The following HEG1 variants were observed in gnomAD, a reference collection of about 807,000 sequenced individuals.
HEG1 encodes the protein heart development protein with EGF like domains 1.
A neutral mutation model predicts 125.6 loss-of-function variants in HEG1; 56 were observed. The ratio of observed to expected loss-of-function variants is 0.45; its 90% CI spans 0.36 to 0.56. The LOEUF (loss-of-function observed/expected upper bound fraction) is 0.56. Among genes scored for constraint, HEG1 ranks in the 20% least tolerant of loss-of-function variants. The probability of loss-of-function intolerance (pLI) is 0.00; values close to 1 mark genes in which losing one functional copy is unlikely to be tolerated. For missense variants in HEG1, 1,523 were observed against 1,670.0 expected, an observed-to-expected ratio of 0.91 and a Z score of 1.53; for synonymous variants, 644 against 668.5, an observed-to-expected ratio of 0.96 and a Z score of 0.57.
chr3:124,975,313 C>T (rs1485875794), intron 15 of HEG1, among the ~76,000 whole-genome samples: 1 of 152,088 alleles, frequency 6.6e-6, no homozygotes, highest in Non-Finnish European at 1.5e-5. Flanking sequence ...TAATTCCTGC[C>T]ATTATTATCA....
chr3:124,978,447 G>A (rs755174509), intron 14 of HEG1, among the ~76,000 whole-genome samples: 5 of 152,070 alleles, frequency 3.3e-5, no homozygotes, highest in Non-Finnish European at 7.4e-5. Context: ...GCGCCCGGCC[G>A]AAAAGCTCCC....
At chr3:124,978,226 C>G (rs1430807311) in intron 14 of HEG1, among the ~76,000 whole-genome samples, 1 of 152,218 alleles carries the variant, frequency 6.6e-6, no homozygotes, top group African/African-American at 2.4e-5. Flanking sequence ...CAGCTCACTG[C>G]AACCTCCGCC....
chr3:125,008,736 G>A (rs1170380731), intron 8 of HEG1, among the ~76,000 whole-genome samples: 5 of 152,172 alleles, frequency 3.3e-5, no homozygotes, highest in African/African-American at 2.4e-5. Flanking sequence ...GGTGGAGGTC[G>A]CAGAGAGCTG....
intron 15 of HEG1, among the ~76,000 whole-genome samples, chr3:124,975,147 T>TATACC (rs1936511796): frequency 6.6e-6 from 1 of 152,230 alleles, no homozygotes; most frequent in South Asian, 2.1e-4. Flanking sequence ...AGGCAAAGGC[T>TATACC]ATACCATAAG....
rs80028197 is a variant in HEG1 at position 125,036,391 on chromosome 3, C to T, written c.317-6903G>A. On this transcript the variant is annotated intron_variant, in intron 1 of 16. Transcript: ENST00000311127. ...ATATGGAAAAAATTACTAAGATAAT[C>T]AGTTAAAAAAGGGTTGAGAATGGTT... is the stretch of plus-strand genomic sequence containing the variant. Among the ~76,000 whole-genome samples, 398 of 151,554 alleles carry T rather than the reference C, an allele frequency of 2.6e-3. 6 individuals carry two copies. In the South Asian group the frequency reaches 0.028, roughly 11 times the overall value.
intron 14 of HEG1, 41 bp downstream of exon 14, chr3:124,990,746 G>A: frequency 6.5e-7 from 1 of 1,548,844 alleles, no homozygotes; most frequent in Non-Finnish European, 8.7e-7. Flanking sequence ...AACAGGGCCA[G>A]GCCCCTGCCC....
rs578236872 is a variant in HEG1, at chr3:125,042,624, G to A, written c.316+12951C>T. Among the ~76,000 whole-genome samples, 5 of 152,252 alleles carry A rather than the reference G, an allele frequency of 3.3e-5. 1 individual carries two copies. The East Asian group carries it at 9.7e-4, about 29-fold the overall frequency. ...CCCCAGGGGTAGACACTGAGACTGT[G>A]CCTGGGAGTTTGGAAGGGGCAAGGT... On this transcript the variant is annotated intron_variant, in intron 1 of 16. Transcript: ENST00000311127.
chr3:125,022,951 T>C (rs940640047), intron 3 of HEG1, among the ~76,000 whole-genome samples: 71 of 152,316 alleles, frequency 4.7e-4, no homozygotes, highest in African/African-American at 1.7e-3. Flanking sequence ...CCCAGCACTT[T>C]GGGAGGTTGA....
chr3:125,032,867 GC>G (rs1937513656), intron 1 of HEG1, among the ~76,000 whole-genome samples: 1 of 152,130 alleles, frequency 6.6e-6, no homozygotes, highest in Non-Finnish European at 1.5e-5. Context: ...GTGTGGCGGG[GC>G]CTTTGAGGAA....
intron 6 of HEG1, among the ~76,000 whole-genome samples, chr3:125,011,186 C>T (rs767831748): frequency 1.7e-4 from 25 of 151,432 alleles, no homozygotes; most frequent in Non-Finnish European, 3.2e-4. Context: ...ACTGCATTGT[C>T]TGCAAAAAGG....
At chr3:124,987,652 C>G (rs1683272671) in intron 14 of HEG1, among the ~76,000 whole-genome samples, 1 of 150,204 alleles carries the variant, frequency 6.7e-6, no homozygotes, top group Non-Finnish European at 1.5e-5. Flanking sequence ...TCCTGAGTAG[C>G]TGGAACTACA....
intron 8 of HEG1, among the ~76,000 whole-genome samples, chr3:125,006,023 C>T (rs1272392049): frequency 6.6e-6 from 1 of 152,234 alleles, no homozygotes; most frequent in African/African-American, 2.4e-5. Context: ...AGGGCCACCA[C>T]TGGCATTGGA....
chr3:125,016,240 G>A (rs886726777), intron 5 of HEG1, among the ~76,000 whole-genome samples: 4 of 152,214 alleles, frequency 2.6e-5, no homozygotes, highest in African/African-American at 4.8e-5. Flanking sequence ...GCAGAAAAGG[G>A]AGCGGGCCAA....
intron 9 of HEG1, among the ~76,000 whole-genome samples, chr3:125,003,485 C>T (rs1220802788): frequency 2.6e-5 from 4 of 152,152 alleles, no homozygotes; most frequent in Admixed American, 6.5e-5. Flanking sequence ...AACCTTGGCC[C>T]CAGGGAAGTC....
intron 15 of HEG1, 94 bp downstream of exon 15, chr3:124,977,765 G>T: frequency 1.3e-6 from 1 of 747,272 alleles, no homozygotes; most frequent in Non-Finnish European, 2.2e-6. Context: ...TTAATATTGT[G>T]AACCATCTCA....
In HEG1 at chr3:125,013,166, A is replaced by T. The variant is rs777879629; in HGVS notation, c.2413T>A (p.Ser805Thr). ...SPSLVSLPTE[S>T]TKAVTTNSPL... ...GAGTTTGTTGTTACAGCTTTGGTGG[A>T]CTCTGTGGGCAGAGACACCAGGCTT... Residue 805 changes from serine to threonine, a missense_variant, in exon 6 of 17, where the codon TCC becomes ACC. Coordinates refer to ENST00000311127, the MANE Select transcript of HEG1 (RefSeq NM_020733.2). 5 of 1,613,622 alleles carry T rather than the reference A, an allele frequency of 3.1e-6. No homozygotes were observed. The East Asian group carries it at 1.1e-4, about 36-fold the overall frequency.
At chr3:125,035,318 G>T (rs56036184) in intron 1 of HEG1, among the ~76,000 whole-genome samples, 75,615 of 151,872 alleles carry the variant, frequency 0.5, 19,160 homozygotes, top group Middle Eastern at 0.64. Flanking sequence ...TCATTCTAAG[G>T]AGGCTCCTTA....
At chr3:125,021,160 TACTC>T (rs1937331209) in intron 3 of HEG1, 30 bp from the exon 4 acceptor site, 1 of 1,484,442 alleles carries the variant, frequency 6.7e-7, no homozygotes, top group Non-Finnish European at 9.1e-7. Context: ...GCTTCAAAAT[TACTC>T]AGGAGTTTAA....
At chr3:125,009,104 T>C (rs1937113890) in intron 8 of HEG1, among the ~76,000 whole-genome samples, 1 of 152,236 alleles carries the variant, frequency 6.6e-6, no homozygotes, top group Non-Finnish European at 1.5e-5. Flanking sequence ...AACAGCTTCA[T>C]CATGAATCTA....
Sources: gnomAD v4.1 joint callset for allele counts (sites outside exome capture counted in the v4.1 genomes callset) on GRCh38, gnomAD v4.1.1 for gene constraint, MANE v1.5 for transcripts, NCBI Gene and HGNC (gene_info 2026-07-23, HGNC 2026-07-21) for gene names.